The following RASGRP3 variants were observed in gnomAD, a reference collection of about 807,000 sequenced individuals.
The protein encoded by RASGRP3 is ras guanyl-releasing protein 3.
Under a neutral mutation model 82.7 loss-of-function variants are expected in RASGRP3, and 54 were observed. The ratio of observed to expected loss-of-function variants is 0.65; its 90% CI spans 0.52 to 0.82. The LOEUF is 0.82. Ranked by LOEUF, RASGRP3 falls within the 40% of genes least tolerant of loss-of-function variation. The pLI is 0.00. For synonymous variants in RASGRP3, 309 were observed against 300.5 expected (o/e 1.03, Z -0.29); for missense variants, 861 against 828.9 (o/e 1.04, Z -0.48).
At chr2:33,519,821 T>G in intron 4 of RASGRP3, 131 bp from the exon 5 acceptor site, 2 of 606,302 alleles carry the variant, frequency 3.3e-6, no homozygotes, top group South Asian at 4.2e-5. Flanking sequence ...AGGCCACTTC[T>G]CTCCGTATTT....
intron 9 of RASGRP3, among the ~76,000 whole-genome samples, chr2:33,526,500 A>G (rs1216605833): frequency 6.6e-6 from 1 of 152,236 alleles, no homozygotes; most frequent in Non-Finnish European, 1.5e-5. Context: ...CTCAAGTAAA[A>G]AGCAAAAACA....
chr2:33,437,305 A>C (rs2150867692), intron 1 of RASGRP3, among the ~76,000 whole-genome samples: 1 of 152,370 alleles, frequency 6.6e-6, no homozygotes, highest in South Asian at 2.1e-4. Context: ...ATTAAATCCA[A>C]GAACAGTTGA....
intron 1 of RASGRP3, among the ~76,000 whole-genome samples, chr2:33,479,554 G>GT (rs1406151334): frequency 6.4e-4 from 98 of 152,166 alleles, no homozygotes; most frequent in Non-Finnish European, 2.9e-5. Flanking sequence ...ACTCTGCGCT[G>GT]TTTTTTTGAG....
At chr2:33,440,149 A>T (rs1257357578) in intron 1 of RASGRP3, among the ~76,000 whole-genome samples, 4 of 152,118 alleles carry the variant, frequency 2.6e-5, no homozygotes, top group African/African-American at 9.7e-5. Context: ...TGAGGGAATG[A>T]TGGAATAGTC....
At chr2:33,482,423 T>G (rs1304543524) in intron 1 of RASGRP3, 1 of 152,204 alleles carries the variant, frequency 6.6e-6, no homozygotes, top group Non-Finnish European at 1.5e-5. Flanking sequence ...AACGTTACCT[T>G]TTAGAGACAA....
rs146137798 is a variant in RASGRP3 at position 33,520,420 on chromosome 2, A to T, written c.237-133A>T. ...ATGGATGGGGTTTTGGAGACAGGAG[A>T]TGGCTAATTTGAAGTGTGGTCCTGG... On this transcript the variant is annotated intron_variant, in intron 5 of 17. Coordinates refer to ENST00000403687, the MANE Select transcript of RASGRP3 (RefSeq NM_001139488.2). The T allele has an allele frequency of 3.3e-3, 3,896 of 1,191,762 alleles. 94 individuals carry two copies. In the Admixed American group the frequency reaches 0.056, roughly 17 times the overall value. 73.8% of individuals were successfully genotyped at this position (1,191,762 alleles called of 1,614,324 possible).
intron 1 of RASGRP3, among the ~76,000 whole-genome samples, chr2:33,487,243 A>G (rs1404239303): frequency 6.6e-6 from 1 of 152,222 alleles, no homozygotes; most frequent in Non-Finnish European, 1.5e-5. Context: ...TAGTTTGTCA[A>G]GTAGAGGGAT....
At chr2:33,474,888 T>A (rs1021172803), upstream of RASGRP3, among the ~76,000 whole-genome samples, 1 of 152,236 alleles carries the variant, frequency 6.6e-6, no homozygotes, top group Non-Finnish European at 1.5e-5. Context: ...CTGTTGTCGC[T>A]GTTGGGCATT....
intron 17 of RASGRP3, 122 bp from the exon 18 acceptor site, chr2:33,562,607 A>C: frequency 9.3e-7 from 1 of 1,080,496 alleles, no homozygotes; most frequent in Non-Finnish European, 1.4e-6. Context: ...AAATCCTGAG[A>C]CTACAAGGTA....
chr2:33,439,292 T>C (rs1030889776), intron 1 of RASGRP3, among the ~76,000 whole-genome samples: 3 of 152,160 alleles, frequency 2.0e-5, no homozygotes, highest in African/African-American at 7.2e-5. Context: ...ACGTAGATAA[T>C]GAGTGCCACC....
At chr2:33,465,289 A>G (rs1470724351) in intron 2 of RASGRP3, among the ~76,000 whole-genome samples, 1 of 152,240 alleles carries the variant, frequency 6.6e-6, no homozygotes, top group Non-Finnish European at 1.5e-5. Flanking sequence ...GCAAAGTCCT[A>G]ATTCTCTTCA....
At chr2:33,519,392 G>A (rs567198481) in intron 4 of RASGRP3, among the ~76,000 whole-genome samples, 6 of 152,238 alleles carry the variant, frequency 3.9e-5, no homozygotes, top group Admixed American at 2.0e-4. Flanking sequence ...CGAGGTGGGC[G>A]GATCACAAGG....
chr2:33,562,686 A>G, intron 17 of RASGRP3, 43 bp from the exon 18 acceptor site: 1 of 1,605,970 alleles, frequency 6.2e-7, no homozygotes, highest in Non-Finnish European at 8.5e-7. Context: ...TTATTTTGTT[A>G]TATGAGATCC....
intron 11 of RASGRP3, among the ~76,000 whole-genome samples, chr2:33,536,561 C>CTT (rs1010850178): frequency 6.7e-6 from 1 of 149,512 alleles, no homozygotes; most frequent in Non-Finnish European, 1.5e-5. Context: ...TTTTCAGGAT[C>CTT]TTTTTTTTTT....
At chr2:33,488,149 A>G (rs1668551770) in intron 1 of RASGRP3, among the ~76,000 whole-genome samples, 1 of 152,248 alleles carries the variant, frequency 6.6e-6, no homozygotes, top group Admixed American at 6.5e-5. Context: ...TTGATTTTCA[A>G]AAGTTGTTGC....
intron 2 of RASGRP3, among the ~76,000 whole-genome samples, chr2:33,471,390 C>A (rs1216130265): frequency 6.7e-6 from 1 of 148,418 alleles, no homozygotes; most frequent in Non-Finnish European, 1.5e-5. Flanking sequence ...CTATGTTGCC[C>A]CTGCTGATCT....
rs1340308349 is a variant in RASGRP3 at position 33,540,561 on chromosome 2, TGTGTG to T, written c.1278+1352_1278+1356del. The stretch of plus-strand genomic sequence containing the variant: ...TCTCTCTCTGTGTGTGTGTTTTGTG[TGTGTG>T]TGTGTGTGTGTGTGTGTGTGTGTGT... On this transcript the variant is annotated intron_variant, in intron 12 of 17. Coordinates refer to ENST00000403687, the MANE Select transcript of RASGRP3 (RefSeq NM_001139488.2). 1.5e-3 allele frequency among the ~76,000 whole-genome samples: 177 copies of T among 117,820 alleles called. 9 individuals are homozygous for T. The highest frequency in any genetic ancestry group is 5.0e-3 in the African/African-American group (165 of 33,310). The allele number at this position is 117,820 out of a possible 152,430, so 77.3% of individuals were successfully genotyped here. A position where few individuals can be genotyped will look rare whatever the true frequency, so the allele number is the denominator to read the frequency against.
At chr2:33,450,877 G>A (rs1348534112) in intron 2 of RASGRP3, among the ~76,000 whole-genome samples, 5 of 74,792 alleles carry the variant, frequency 6.7e-5, no homozygotes, top group East Asian at 4.9e-4. Flanking sequence ...TTGCTCATTC[G>A]CCCAGGCTGG....
chr2:33,532,371 T>A (rs1673177475), intron 10 of RASGRP3: 1 of 152,206 alleles, frequency 6.6e-6, no homozygotes, highest in Non-Finnish European at 1.5e-5. Flanking sequence ...GTGACTTCCC[T>A]AACAGAGAGT....
Sources: allele counts gnomAD v4.1 joint callset (sites outside exome capture counted in the v4.1 genomes callset), GRCh38; gene constraint gnomAD v4.1.1; transcripts MANE v1.5; gene names NCBI Gene and HGNC (gene_info 2026-07-23, HGNC 2026-07-21).